The following MIPOL1 variants were observed in gnomAD, a reference collection of about 807,000 sequenced individuals.
The protein encoded by MIPOL1 is mirror-image polydactyly gene 1 protein.
A neutral mutation model predicts 60.9 loss-of-function variants in MIPOL1; 57 were observed. That is an observed-to-expected ratio of 0.94 (90% CI 0.76 to 1.17). The LOEUF (loss-of-function observed/expected upper bound fraction) is 1.17, where lower values mean the gene tolerates loss of function less well. Ranked by LOEUF, MIPOL1 falls within the 50% of genes most tolerant of loss-of-function variation. The pLI is 0.00. For missense variants in MIPOL1, 551 were observed against 511.6 expected (o/e 1.08, Z -0.74); for synonymous variants, 179 against 168.8 (o/e 1.06, Z -0.47).
At chr14:37,396,562 A>G (rs966619198) in intron 10 of MIPOL1, among the ~76,000 whole-genome samples, 1 of 152,034 alleles carries the variant, frequency 6.6e-6, no homozygotes, top group Non-Finnish European at 1.5e-5. Flanking sequence ...ATTCCCCCAA[A>G]TATGTTTTCC....
chr14:37,345,472 A>C (rs61618026), intron 9 of MIPOL1, among the ~76,000 whole-genome samples: 11,399 of 152,264 alleles, frequency 0.075, 1,450 homozygotes, highest in African/African-American at 0.26. Flanking sequence ...CACTTCAGTT[A>C]CTATCAGTTA....
At chr14:37,492,632 A>G (rs991373089) in intron 11 of MIPOL1, among the ~76,000 whole-genome samples, 1 of 152,150 alleles carries the variant, frequency 6.6e-6, no homozygotes, top group Non-Finnish European at 1.5e-5. Flanking sequence ...ATAGTTTTCG[A>G]GTTGAAATTA....
chr14:37,217,957 A>C (rs1244116602), intron 1 of MIPOL1, among the ~76,000 whole-genome samples: 1 of 152,200 alleles, frequency 6.6e-6, no homozygotes, highest in Non-Finnish European at 1.5e-5. Context: ...TGATCTAGCT[A>C]CATCTCACAT....
intron 10 of MIPOL1, among the ~76,000 whole-genome samples, chr14:37,420,021 A>T (rs768496528): frequency 6.6e-6 from 1 of 151,848 alleles, no homozygotes; most frequent in Non-Finnish European, 1.5e-5. Context: ...GAAATGAGGC[A>T]TGAGCTACCA....
At chr14:37,344,449 C>T (rs957721493) in intron 9 of MIPOL1, among the ~76,000 whole-genome samples, 2 of 151,418 alleles carry the variant, frequency 1.3e-5, no homozygotes, top group African/African-American at 4.9e-5. Context: ...TTCCGAGTAT[C>T]CAAATATGGA....
intron 10 of MIPOL1, among the ~76,000 whole-genome samples, chr14:37,383,679 T>C (rs1480472560): frequency 6.6e-6 from 1 of 151,958 alleles, no homozygotes; most frequent in Non-Finnish European, 1.5e-5. Context: ...CAAGAAAGAA[T>C]TACCAAGAAA....
At chr14:37,219,194 A>G (rs1051131563) in intron 1 of MIPOL1, among the ~76,000 whole-genome samples, 1 of 152,134 alleles carries the variant, frequency 6.6e-6, no homozygotes, top group African/African-American at 2.4e-5. Flanking sequence ...TGCTGAAGTC[A>G]GGCTACAGTG....
At chr14:37,436,523 T>G (rs1468487607) in intron 11 of MIPOL1, among the ~76,000 whole-genome samples, 1 of 152,332 alleles carries the variant, frequency 6.6e-6, no homozygotes, top group South Asian at 2.1e-4. Flanking sequence ...TTCAGGAACA[T>G]TCTGATTCAT....
At chr14:37,478,020 A>ATG (rs2094804705) in intron 11 of MIPOL1, among the ~76,000 whole-genome samples, 1 of 152,244 alleles carries the variant, frequency 6.6e-6, no homozygotes, top group South Asian at 2.1e-4. Context: ...GTTTATGTTT[A>ATG]TCTGTAGCTC....
chr14:37,292,464 A>ATTT (rs2085178552), intron 7 of MIPOL1, among the ~76,000 whole-genome samples: 3 of 82,096 alleles, frequency 3.7e-5, no homozygotes, highest in Non-Finnish European at 4.9e-5. Flanking sequence ...TCCTTAATAA[A>ATTT]CTTTTTTTTT....
At chr14:37,260,422 G>A (rs2082444404) in intron 3 of MIPOL1, among the ~76,000 whole-genome samples, 1 of 152,096 alleles carries the variant, frequency 6.6e-6, no homozygotes, top group Non-Finnish European at 1.5e-5. Flanking sequence ...GCTGTGAACT[G>A]TAGAAACCAC....
chr14:37,294,176 A>G (rs942898560), intron 7 of MIPOL1, among the ~76,000 whole-genome samples: 1 of 152,134 alleles, frequency 6.6e-6, no homozygotes, highest in Non-Finnish European at 1.5e-5. Flanking sequence ...TGCAGCCACC[A>G]CTGCTGATAC....
At chr14:37,498,998 T>C (rs976042770) in intron 11 of MIPOL1, among the ~76,000 whole-genome samples, 2 of 152,158 alleles carry the variant, frequency 1.3e-5, no homozygotes, top group Non-Finnish European at 2.9e-5. Flanking sequence ...TATAGTTAAG[T>C]TGTTTTACTT....
intron 9 of MIPOL1, among the ~76,000 whole-genome samples, chr14:37,318,214 T>C (rs138234494): frequency 6.6e-6 from 1 of 152,308 alleles, no homozygotes; most frequent in African/African-American, 2.4e-5. Context: ...AATAATCAAA[T>C]ATCCTAGTGT....
At chr14:37,429,237 T>A (rs1277615440) in intron 11 of MIPOL1, among the ~76,000 whole-genome samples, 1 of 152,160 alleles carries the variant, frequency 6.6e-6, no homozygotes, top group Non-Finnish European at 1.5e-5. Flanking sequence ...AGGGAATGCC[T>A]GTTTCGATGT....
intron 6 of MIPOL1, chr14:37,277,003 G>A (rs920101774): frequency 6.6e-6 from 1 of 151,024 alleles, no homozygotes; most frequent in African/African-American, 2.4e-5. Context: ...TAACCAATTT[G>A]TATCCTTGCT....
At chr14:37,293,529 C>T (rs899177073) in intron 7 of MIPOL1, among the ~76,000 whole-genome samples, 8 of 152,276 alleles carry the variant, frequency 5.3e-5, no homozygotes, top group Non-Finnish European at 8.8e-5. Context: ...ACCCGGGAAG[C>T]GCAAGGGGTC....
intron 9 of MIPOL1, among the ~76,000 whole-genome samples, chr14:37,315,761 G>A (rs545545142): frequency 8.3e-4 from 127 of 152,220 alleles, no homozygotes; most frequent in African/African-American, 2.9e-3. Context: ...AATTCAAGGA[G>A]AATTTTGAGC....
intron 3 of MIPOL1, among the ~76,000 whole-genome samples, chr14:37,254,278 A>G (rs1349709222): frequency 6.6e-6 from 1 of 151,682 alleles, no homozygotes; most frequent in Non-Finnish European, 1.5e-5. Flanking sequence ...TTCTGTTAAT[A>G]CTCTTGGACT....
Sources: gnomAD v4.1 joint callset for allele counts (sites outside exome capture counted in the v4.1 genomes callset) on GRCh38, gnomAD v4.1.1 for gene constraint, MANE v1.5 for transcripts, NCBI Gene and HGNC (gene_info 2026-07-23, HGNC 2026-07-21) for gene names.